The following CENPO variants were observed in gnomAD, a reference collection of about 807,000 sequenced individuals.
The protein encoded by CENPO is centromere protein O, also known as centromeric protein O.
CENPO carries 30 observed loss-of-function variants against 36.1 expected under a neutral mutation model. The observed-to-expected ratio is 0.83, with a 90% confidence interval of 0.62 to 1.13. The LOEUF is 1.13. CENPO is among the 50% of genes most tolerant of loss of function. The pLI is 0.00. For missense variants in CENPO, 349 were observed against 357.8 expected, an observed-to-expected ratio of 0.98 and a Z score of 0.20; for synonymous variants, 171 against 142.3, an observed-to-expected ratio of 1.20 and a Z score of -1.44.
At chr2:24,812,902 GTTTTTTTTTT>G (rs35639594) in intron 3 of CENPO, among the ~76,000 whole-genome samples, 1 of 105,704 alleles carries the variant, frequency 9.5e-6, no homozygotes, top group African/African-American at 3.6e-5. Flanking sequence ...TATGCCTGTA[GTTTTTTTTTT>G]TTTTTTTTTT....
In CENPO at chr2:24,822,076, T is replaced by C. The variant is rs956538833; in HGVS notation, c.*2758T>C. The stretch of plus-strand genomic sequence containing the variant: ...TAGAGGTAAAGCAGGATGATGGTGT[T>C]TTAAGACCAGAGCTTGGGACCAGGG... On this transcript the variant is annotated 3_prime_UTR_variant, in exon 8 of 8. Transcript: ENST00000380834. 1.2e-4 allele frequency: 23 copies of C among 189,418 alleles called. No homozygotes were observed. The highest frequency in any genetic ancestry group is 5.2e-4 in the African/African-American group (22 of 42,674). The allele number at this position is 189,418 out of a possible 1,614,324, so 11.7% of individuals were successfully genotyped here.
chr2:24,810,723 G>A (rs1666637614), intron 3 of CENPO, among the ~76,000 whole-genome samples: 1 of 151,986 alleles, frequency 6.6e-6, no homozygotes, highest in African/African-American at 2.4e-5. Flanking sequence ...GGCCAGGCTG[G>A]TCTCGAACTC....
chr2:24,808,292 T>G (rs1177465356), intron 3 of CENPO, among the ~76,000 whole-genome samples: 2 of 152,154 alleles, frequency 1.3e-5, no homozygotes, highest in Admixed American at 6.5e-5. Flanking sequence ...TCCGGCACCC[T>G]CCACCTCCTG....
At chr2:24,796,362 A>G (rs1484932533) in intron 2 of CENPO, among the ~76,000 whole-genome samples, 1 of 152,074 alleles carries the variant, frequency 6.6e-6, no homozygotes, top group Admixed American at 6.6e-5. Flanking sequence ...TCAGAAAAAA[A>G]TAACCATTTC....
In CENPO at chr2:24,820,071, C is replaced by T. The variant is rs775633915; in HGVS notation, c.*753C>T. On this transcript the variant is annotated 3_prime_UTR_variant, in exon 8 of 8. Transcript: ENST00000380834. ...AAAGATGGGGCCTCGCCTCACAAAG[C>T]GGAAGCCGTACTCTCGGAGGATGAC... The T allele has an allele frequency of 2.0e-5, 31 of 1,573,240 alleles. No individual in the cohort carries two copies. In the Admixed American group the frequency reaches 2.6e-4, roughly 13 times the overall value.
Position 24,821,884 on chromosome 2 carries a change from C to T in CENPO, c.*2566C>T, listed in dbSNP as rs1398071998. On this transcript the variant is annotated 3_prime_UTR_variant, in exon 8 of 8. Coordinates refer to ENST00000380834, the MANE Select transcript of CENPO (RefSeq NM_001322101.2). ...GAGGAGACGGACCTGTGAGTCTGAC[C>T]ACGAGGCGGACCCCTTCACCTTGGC... is the stretch of plus-strand genomic sequence containing the variant. 8.1e-6 allele frequency: 4 copies of T among 493,486 alleles called. No homozygotes were observed. The highest frequency in any genetic ancestry group is 1.1e-5 in the Non-Finnish European group (3 of 282,252). 30.6% of individuals were successfully genotyped at this position (493,486 alleles called of 1,614,324 possible).
chr2:24,809,660 C>T (rs1373576948), intron 3 of CENPO, among the ~76,000 whole-genome samples: 38 of 150,388 alleles, frequency 2.5e-4, no homozygotes, highest in African/African-American at 7.3e-4. Flanking sequence ...TTCTTTGGCC[C>T]GTGGGTTTGT....
intron 3 of CENPO, among the ~76,000 whole-genome samples, chr2:24,809,964 C>T (rs1425132683): frequency 6.6e-6 from 1 of 151,250 alleles, no homozygotes; most frequent in Non-Finnish European, 1.5e-5. Context: ...AGGAGAATCA[C>T]TTGAACCTGG....
intron 3 of CENPO, among the ~76,000 whole-genome samples, chr2:24,812,051 A>T (rs1411855351): frequency 6.6e-6 from 1 of 152,102 alleles, no homozygotes; most frequent in African/African-American, 2.4e-5. Flanking sequence ...TCCATCTGCG[A>T]TTATTTTCTT....
At chr2:24,796,064 C>G (rs1407574922) in intron 2 of CENPO, among the ~76,000 whole-genome samples, 2 of 152,052 alleles carry the variant, frequency 1.3e-5, no homozygotes, top group African/African-American at 4.8e-5. Flanking sequence ...GTAAACATTT[C>G]CGGAGTGTTG....
intron 2 of CENPO, 93 bp downstream of exon 2, chr2:24,794,058 T>C: frequency 2.1e-6 from 2 of 970,844 alleles, no homozygotes; most frequent in Admixed American, 3.4e-5. Flanking sequence ...ACGTGGGACC[T>C]GGCCTGTTTG....
In CENPO at chr2:24,816,621, T is replaced by G. The variant is rs748395194; in HGVS notation, c.595-25T>G. The G allele has an allele frequency of 3.9e-6, 6 of 1,551,194 alleles. No individual in the cohort carries two copies. The Admixed American group carries it at 1.2e-4, about 31-fold the overall frequency. ...TTTGGAACTGCAGTCATCCTCTACT[T>G]CGTTTTGTTCCTCACCCCTCTTAGA... On this transcript the variant is annotated intron_variant, in intron 5 of 7. Coordinates refer to ENST00000380834, the MANE Select transcript of CENPO (RefSeq NM_001322101.2).
At chr2:24,802,314 T>A (rs2148261356) in intron 3 of CENPO, among the ~76,000 whole-genome samples, 1 of 152,178 alleles carries the variant, frequency 6.6e-6, no homozygotes, top group South Asian at 2.1e-4. Context: ...TTGAATACCC[T>A]TTATTTCCTT....
At position 24,815,658 on chromosome 2, in the gene CENPO, G is replaced by A; in HGVS notation, c.496G>A (p.Ala166Thr). ...PVFIPLEEIA[A>T]KYLQTNIQHF... is the part of the protein sequence containing the mutation. Reference sequence around the variant, plus strand: ...CTTCATTCCCCTGGAAGAGATAGCTGCAAAATATTTACAGACCAACATCCA... The same window carrying A: ...CTTCATTCCCCTGGAAGAGATAGCTACAAAATATTTACAGACCAACATCCA... The change falls in exon 5 of 8, where the codon GCA becomes ACA. Residue 166 changes from alanine to threonine, a missense_variant. Physicochemically the swap from Ala to Thr is moderately conservative, Grantham distance 58 (BLOSUM62 0). Transcript: ENST00000380834. 6.2e-7 allele frequency: 1 copy of A among 1,614,116 alleles called. No individual in the cohort carries two copies. Among genetic ancestry groups the A allele is most frequent in the Non-Finnish European group, 8.5e-7 (1 of 1,179,980 alleles).
In CENPO at chr2:24,821,162, C is replaced by T; in HGVS notation, c.*1844C>T. 2.3e-6 allele frequency: 1 copy of T among 439,018 alleles called. No homozygotes were observed. Among genetic ancestry groups the T allele is most frequent in the East Asian group, 4.3e-5 (1 of 23,216 alleles). The allele number at this position is 439,018 out of a possible 1,614,324, so 27.2% of individuals were successfully genotyped here. ...AATGATACCCCCTCAGTAGAAGCAG[C>T]AGGTGATCTTAACTCCTTTCAAAGA... On this transcript the variant is annotated 3_prime_UTR_variant, in exon 8 of 8. Transcript: ENST00000380834.
chr2:24,819,744 T>TA lies in CENPO; in HGVS notation c.*427dup. ...CCTAAGACCCCTATGCTGGGGACACTACAGGCACACACAGGAATAGCAGGG... is the reference window on the plus strand; with the variant it reads ...CCTAAGACCCCTATGCTGGGGACACTAACAGGCACACACAGGAATAGCAGGG... On this transcript the variant is annotated 3_prime_UTR_variant, in exon 8 of 8. Transcript: ENST00000380834. 1 of 630,604 alleles carries TA rather than the reference T, an allele frequency of 1.6e-6. No homozygotes were observed. Among genetic ancestry groups the TA allele is most frequent in the Non-Finnish European group, 2.8e-6 (1 of 361,794 alleles). The allele number at this position is 630,604 out of a possible 1,614,324, so 39.1% of individuals were successfully genotyped here. A position where few individuals can be genotyped will look rare whatever the true frequency, so the allele number is the denominator to read the frequency against.
At chr2:24,798,790 A>G (rs937873836) in intron 2 of CENPO, among the ~76,000 whole-genome samples, 1 of 151,580 alleles carries the variant, frequency 6.6e-6, no homozygotes, top group East Asian at 2.0e-4. Flanking sequence ...TAATGGTTTT[A>G]TTAGCCATAA....
Position 24,817,810 on chromosome 2 carries a change from ATTG to A in CENPO, c.*7_*9del. On this transcript the variant is annotated 3_prime_UTR_variant, in exon 7 of 8. Transcript: ENST00000380834. The stretch of plus-strand genomic sequence containing the variant: ...GGATATGAGTCTGGTCTCCTAATAG[ATTG>A]TTTTCACTGCACTGGGAGCACATCA... 6.2e-7 allele frequency: 1 copy of A among 1,614,126 alleles called. No individual in the cohort carries two copies. Among genetic ancestry groups the A allele is most frequent in the Non-Finnish European group, 8.5e-7 (1 of 1,180,030 alleles).
chr2:24,801,763 T>TG (rs1273777780), intron 3 of CENPO, among the ~76,000 whole-genome samples: 1 of 152,234 alleles, frequency 6.6e-6, no homozygotes, highest in East Asian at 1.9e-4. Flanking sequence ...GGTAGGGTGA[T>TG]GCCTCCAGCT....
Sources: allele counts gnomAD v4.1 joint callset (sites outside exome capture counted in the v4.1 genomes callset), GRCh38; gene constraint gnomAD v4.1.1; transcripts MANE v1.5; gene names NCBI Gene and HGNC (gene_info 2026-07-23, HGNC 2026-07-21).